NGEF: variants seen among roughly 807,000 people sequenced by gnomAD.
NGEF encodes the protein ephexin-1.
A neutral mutation model predicts 80.9 loss-of-function variants in NGEF; 31 were observed. That is an observed-to-expected ratio of 0.38 (90% CI 0.29 to 0.52). The LOEUF (loss-of-function observed/expected upper bound fraction) is 0.52. Among genes scored for constraint, NGEF ranks in the 20% least tolerant of loss-of-function variants. The pLI, the probability that NGEF is intolerant of heterozygous loss-of-function variation, is 0.84. For synonymous variants in NGEF, 371 were observed against 370.2 expected (o/e 1.00, Z -0.03); for missense variants, 709 against 926.2 (o/e 0.77, Z 3.04).
Position 232,937,262 on chromosome 2 carries a change from C to G in NGEF, c.384-10076G>C, listed in dbSNP as rs147162497. Among the ~76,000 whole-genome samples, 1,236 of 152,244 alleles carry G rather than the reference C, an allele frequency of 8.1e-3. 30 individuals carry two copies. The highest frequency in any genetic ancestry group is 0.05 in the Admixed American group (759 of 15,294). On this transcript the variant is annotated intron_variant, in intron 3 of 14. Transcript: ENST00000264051. ...GGATTACAGGTGTGAGCCACTGCAC[C>G]CAGCCTGTAATCTGATTTAGAACAC...
intron 8 of NGEF, among the ~76,000 whole-genome samples, chr2:232,888,465 TGCAA>T (rs1691772983): frequency 6.6e-6 from 1 of 151,052 alleles, no homozygotes; most frequent in Non-Finnish European, 1.5e-5. Flanking sequence ...CATGCACACT[TGCAA>T]GCACAGTGCA....
At chr2:232,984,121 G>C (rs1462095933) in intron 1 of NGEF, among the ~76,000 whole-genome samples, 1 of 152,234 alleles carries the variant, frequency 6.6e-6, no homozygotes, top group Admixed American at 6.5e-5. Flanking sequence ...GTCTCACTCT[G>C]TCACCCAGGC....
chr2:232,994,923 CA>C (rs1253461312), intron 1 of NGEF, among the ~76,000 whole-genome samples: 3 of 122,888 alleles, frequency 2.4e-5, no homozygotes, highest in African/African-American at 9.7e-5. Context: ...GTATTATATA[CA>C]TACATGGATA....
At chr2:232,996,640 G>A (rs1694855768) in intron 1 of NGEF, among the ~76,000 whole-genome samples, 1 of 152,104 alleles carries the variant, frequency 6.6e-6, no homozygotes. Context: ...AGACAGCCAA[G>A]CGCACCACCA....
chr2:232,977,229 C>A lies in NGEF; in HGVS notation c.-74-2265G>T, dbSNP rs1046034446. Reference sequence around the variant, plus strand: ...CCCCTGCACTTGCTCCACTTGGGAACCTGATCCACCAGAAAAGTGGCTGCA... The same window carrying A: ...CCCCTGCACTTGCTCCACTTGGGAAACTGATCCACCAGAAAAGTGGCTGCA... On this transcript the variant is annotated intron_variant, in intron 1 of 14. Transcript: ENST00000264051. Among the ~76,000 whole-genome samples the A allele has an allele frequency of 3.9e-5, 6 of 152,266 alleles. 1 individual carries two copies. Among genetic ancestry groups the A allele is most frequent in the Non-Finnish European group, 5.9e-5 (4 of 68,022 alleles).
intron 5 of NGEF, among the ~76,000 whole-genome samples, chr2:232,903,264 T>C (rs1692407891): frequency 6.6e-6 from 1 of 152,244 alleles, no homozygotes; most frequent in South Asian, 2.1e-4. Context: ...ACACTCTCAG[T>C]ACCCGGTATT....
At chr2:232,970,058 G>T in intron 3 of NGEF, 156 bp downstream of exon 3, 1 of 406,466 alleles carries the variant, frequency 2.5e-6, no homozygotes, top group Non-Finnish European at 4.3e-6. Context: ...TTTAAATTAT[G>T]GAGTTTTTAT....
At chr2:232,920,200 A>G in intron 5 of NGEF, 84 bp downstream of exon 5, 1 of 1,350,322 alleles carries the variant, frequency 7.4e-7, no homozygotes, top group South Asian at 1.4e-5. Flanking sequence ...AGGGAACCTC[A>G]CCCCCCAGAG....
At chr2:232,955,560 G>T (rs1693806146) in intron 3 of NGEF, among the ~76,000 whole-genome samples, 1 of 152,152 alleles carries the variant, frequency 6.6e-6, no homozygotes, top group Non-Finnish European at 1.5e-5. Context: ...ATCTCGCTCT[G>T]TTGCCCAGGC....
chr2:232,916,097 C>T (rs770405236), intron 5 of NGEF, among the ~76,000 whole-genome samples: 4 of 152,082 alleles, frequency 2.6e-5, no homozygotes, highest in Non-Finnish European at 4.4e-5. Flanking sequence ...ACACAACATC[C>T]GAAGATTAGG....
intron 5 of NGEF, among the ~76,000 whole-genome samples, chr2:232,904,286 C>G (rs1454240537): frequency 6.6e-6 from 1 of 152,126 alleles, no homozygotes; most frequent in Non-Finnish European, 1.5e-5. Context: ...AGACCAGGGA[C>G]CGTGGCAAGT....
At chr2:232,986,349 C>A (rs1308965123) in intron 1 of NGEF, among the ~76,000 whole-genome samples, 2 of 152,172 alleles carry the variant, frequency 1.3e-5, no homozygotes, top group Non-Finnish European at 2.9e-5. Context: ...ACCCAGCAAC[C>A]CCACTTCTGG....
intron 5 of NGEF, among the ~76,000 whole-genome samples, chr2:232,901,095 T>A (rs1268587127): frequency 6.6e-6 from 1 of 152,178 alleles, no homozygotes; most frequent in Admixed American, 6.5e-5. Flanking sequence ...AACCTGCTCC[T>A]GATGGAGAAA....
chr2:232,974,529 C>A, intron 2 of NGEF, 94 bp downstream of exon 2: 1 of 1,411,486 alleles, frequency 7.1e-7, no homozygotes, highest in Non-Finnish European at 9.7e-7. Flanking sequence ...TTTTCAATGC[C>A]ACTTATCCTT....
chr2:233,008,024 A>G (rs1695122442), intron 1 of NGEF, among the ~76,000 whole-genome samples: 2 of 152,232 alleles, frequency 1.3e-5, no homozygotes, highest in South Asian at 4.1e-4. Flanking sequence ...TCTCACTCAG[A>G]TGAGAGCAAA....
chr2:232,948,956 T>G (rs1171440397), intron 3 of NGEF, among the ~76,000 whole-genome samples: 1 of 151,968 alleles, frequency 6.6e-6, no homozygotes, highest in Non-Finnish European at 1.5e-5. Flanking sequence ...AGGCAGAGGT[T>G]GCAGTGAGCC....
chr2:232,996,473 A>G (rs1196691514), intron 1 of NGEF, among the ~76,000 whole-genome samples: 1 of 152,232 alleles, frequency 6.6e-6, no homozygotes, highest in Non-Finnish European at 1.5e-5. Context: ...CACATGTTTA[A>G]GAGCTTGTTA....
At chr2:232,960,030 C>G (rs79811810) in intron 3 of NGEF, among the ~76,000 whole-genome samples, 1 of 152,010 alleles carries the variant, frequency 6.6e-6, no homozygotes, top group Non-Finnish European at 1.5e-5. Flanking sequence ...GTGACTCCCA[C>G]GTTTAATGCA....
At chr2:233,003,636 A>G (rs969723410) in intron 1 of NGEF, among the ~76,000 whole-genome samples, 3 of 152,054 alleles carry the variant, frequency 2.0e-5, no homozygotes, top group Non-Finnish European at 4.4e-5. Context: ...CTGTTCATCC[A>G]TCGGCTCCTT....
Sources: gnomAD v4.1 joint callset for allele counts (sites outside exome capture counted in the v4.1 genomes callset) on GRCh38, gnomAD v4.1.1 for gene constraint, MANE v1.5 for transcripts, NCBI Gene and HGNC (gene_info 2026-07-23, HGNC 2026-07-21) for gene names.